Variants in SPTLC2 observed in about 807,000 individuals in gnomAD.
The protein encoded by SPTLC2 is serine palmitoyltransferase long chain base subunit 2.
In SPTLC2, 21 loss-of-function variants were observed where a neutral mutation model predicts 62.0. The ratio of observed to expected loss-of-function variants is 0.34; its 90% CI spans 0.24 to 0.49. SPTLC2 has a LOEUF of 0.49. Among genes scored for constraint, SPTLC2 ranks in the 20% least tolerant of loss-of-function variants. The pLI, the probability that SPTLC2 is intolerant of heterozygous loss-of-function variation, is 0.99. For missense variants in SPTLC2, 511 were observed against 713.0 expected (o/e 0.72, Z 3.23); for synonymous variants, 261 against 261.8 (o/e 1.00, Z 0.03).
intron 4 of SPTLC2, among the ~76,000 whole-genome samples, chr14:77,573,500 AAAATAAAT>A (rs71452862): frequency 0.74 from 111,270 of 150,156 alleles, 41,587 homozygotes; most frequent in East Asian, 0.94. Flanking sequence ...AAAGATTTTA[AAAATAAAT>A]AAATAAATAA....
chr14:77,582,567 G>C (rs1252393201), intron 2 of SPTLC2, among the ~76,000 whole-genome samples: 1 of 152,178 alleles, frequency 6.6e-6, no homozygotes, highest in Non-Finnish European at 1.5e-5. Flanking sequence ...CTGCAGGCCA[G>C]AATGAAGTAG....
At chr14:77,597,639 T>C (rs2079854707) in intron 1 of SPTLC2, among the ~76,000 whole-genome samples, 1 of 150,548 alleles carries the variant, frequency 6.6e-6, no homozygotes, top group African/African-American at 2.4e-5. Context: ...CCAGGATTGG[T>C]GGTGCACACC....
intron 4 of SPTLC2, among the ~76,000 whole-genome samples, chr14:77,572,966 C>G (rs2079692112): frequency 6.6e-6 from 1 of 152,224 alleles, no homozygotes; most frequent in Non-Finnish European, 1.5e-5. Context: ...TCTCTACCAG[C>G]AATAAAAGGC....
rs774328377 is a variant in SPTLC2, at chr14:77,509,507, C to G, written c.*2777G>C. 1 of 182,594 alleles carries G rather than the reference C, an allele frequency of 5.5e-6. No individual in the cohort carries two copies. Among genetic ancestry groups the G allele is most frequent in the Non-Finnish European group, 1.1e-5 (1 of 88,574 alleles). 11.3% of individuals were successfully genotyped at this position (182,594 alleles called of 1,614,324 possible). On this transcript the variant is annotated 3_prime_UTR_variant, in exon 12 of 12. Transcript: ENST00000216484. Reference sequence around the variant, plus strand: ...AAGGACTAGTCACACCTCTATCAATCGACTCAGATGATCAGTTTTGGTAGT... The same window carrying G: ...AAGGACTAGTCACACCTCTATCAATGGACTCAGATGATCAGTTTTGGTAGT...
chr14:77,591,553 CTTTA>C (rs1262141567), intron 2 of SPTLC2, among the ~76,000 whole-genome samples: 3 of 152,052 alleles, frequency 2.0e-5, no homozygotes, highest in African/African-American at 7.2e-5. Flanking sequence ...ATACAGTGCT[CTTTA>C]TTTTTTATTC....
At chr14:77,578,780 A>G (rs1385684839) in intron 3 of SPTLC2, 175 bp downstream of exon 3, 4 of 625,340 alleles carry the variant, frequency 6.4e-6, no homozygotes, top group Non-Finnish European at 1.1e-5. Context: ...CAAATGTAAT[A>G]GAAAGATATA....
In SPTLC2 at chr14:77,526,594, A is replaced by G. The variant is rs1369250606; in HGVS notation, c.1304-5013T>C. Among the ~76,000 whole-genome samples the G allele has an allele frequency of 2.0e-5, 3 of 152,204 alleles. No individual in the cohort carries two copies. In the East Asian group the frequency reaches 5.8e-4, roughly 29 times the overall value. On this transcript the variant is annotated intron_variant, in intron 9 of 11. Transcript: ENST00000216484. ...GGTTTGTTAGAATAAAACTATTTTT[A>G]GGAACTCTACTGTAAAAAAATCTAC... is the stretch of plus-strand genomic sequence containing the variant.
At chr14:77,526,313 T>C (rs970438339) in intron 9 of SPTLC2, among the ~76,000 whole-genome samples, 6 of 152,194 alleles carry the variant, frequency 3.9e-5, no homozygotes, top group Non-Finnish European at 4.4e-5. Flanking sequence ...TCTGGTCTAA[T>C]ACAGACTTGA....
In SPTLC2 at chr14:77,616,454, G is replaced by A. The variant is rs2140071567; in HGVS notation, c.126C>T (p.Ala42=). 1 of 1,483,994 alleles carries A rather than the reference G, an allele frequency of 6.7e-7. No homozygotes were observed. Among genetic ancestry groups the A allele is most frequent in the Non-Finnish European group, 8.9e-7 (1 of 1,122,586 alleles). 91.9% of individuals were successfully genotyped at this position (1,483,994 alleles called of 1,614,324 possible). A position where few individuals can be genotyped will look rare whatever the true frequency, so the allele number is the denominator to read the frequency against. The change falls in exon 1 of 12, where the codon GCC becomes GCT. Residue 42 remains alanine, a synonymous_variant. Transcript: ENST00000216484. The stretch of plus-strand genomic sequence containing the variant: ...CCGCGCGGGCCCCTCGTACCTGGCC[G>A]GCGGCGGCTGCGGCTGCGGCTGCAG... ...SSAAAAAAAA[A]GQIHHVTQNG...
chr14:77,516,943 ATGTTCTTTAGGATT>A (rs2079362293), intron 11 of SPTLC2, among the ~76,000 whole-genome samples: 1 of 152,262 alleles, frequency 6.6e-6, no homozygotes. Context: ...AGCATTCATA[ATGTTCTTTAGGATT>A]AGTAGCTCTT....
intron 7 of SPTLC2, among the ~76,000 whole-genome samples, chr14:77,556,688 A>T (rs1466179737): frequency 6.6e-6 from 1 of 151,934 alleles, no homozygotes; most frequent in Non-Finnish European, 1.5e-5. Context: ...CACTGCACTC[A>T]GCCTAAAATA....
In SPTLC2 at chr14:77,510,760, C is replaced by T. The variant is rs2079328415; in HGVS notation, c.*1524G>A. On this transcript the variant is annotated 3_prime_UTR_variant, in exon 12 of 12. Coordinates refer to ENST00000216484, the MANE Select transcript of SPTLC2 (RefSeq NM_004863.4). ...AAGTGCTAGGATTACAGGTGTGAGC[C>T]ACCGCACTCGGCCTGTAACATGACT... 6.6e-6 allele frequency: 1 copy of T among 152,412 alleles called. No homozygotes were observed. 9.4% of individuals were successfully genotyped at this position (152,412 alleles called of 1,614,324 possible).
chr14:77,562,469 A>G lies in SPTLC2; in HGVS notation c.777T>C (p.Asp259=), dbSNP rs765569908. ...LVGKGCLILS[D]ELNHASLVLG... is the part of the protein sequence containing the mutation. Reference sequence around the variant, plus strand: ...GAACCAGTGATGCATGATTCAGTTCATCACTCAGAATCAGGCAACCCTGCA... The same window carrying G: ...GAACCAGTGATGCATGATTCAGTTCGTCACTCAGAATCAGGCAACCCTGCA... The change falls in exon 6 of 12, where the codon GAT becomes GAC. Residue 259 remains aspartate, a synonymous_variant. Transcript: ENST00000216484. 4 of 1,614,022 alleles carry G rather than the reference A, an allele frequency of 2.5e-6. No homozygotes were observed. The East Asian group carries it at 6.7e-5, about 27-fold the overall frequency.
intron 2 of SPTLC2, among the ~76,000 whole-genome samples, chr14:77,586,465 C>T (rs2079782132): frequency 6.6e-6 from 1 of 152,132 alleles, no homozygotes; most frequent in South Asian, 2.1e-4. Flanking sequence ...AACAGATACT[C>T]GAACAAGTAC....
chr14:77,577,682 A>T (rs1230925260), intron 3 of SPTLC2, among the ~76,000 whole-genome samples: 2 of 151,966 alleles, frequency 1.3e-5, no homozygotes, highest in East Asian at 3.9e-4. Context: ...GGTGGATCAC[A>T]AGGTCAGGAG....
At chr14:77,600,251 G>T (rs2079869947) in intron 1 of SPTLC2, among the ~76,000 whole-genome samples, 2 of 152,276 alleles carry the variant, frequency 1.3e-5, no homozygotes, top group Admixed American at 6.5e-5. Context: ...GTATTTTAAA[G>T]AATTTAGGTT....
intron 1 of SPTLC2, among the ~76,000 whole-genome samples, chr14:77,601,843 T>C (rs917504178): frequency 2.0e-5 from 3 of 152,234 alleles, no homozygotes; most frequent in African/African-American, 7.2e-5. Flanking sequence ...TTTCATTTTC[T>C]GATAGAGACA....
Position 77,552,172 on chromosome 14 carries a change from C to T in SPTLC2, c.1227G>A (p.Thr409=), listed in dbSNP as rs9323646. 1.0e-3 allele frequency: 1,623 copies of T among 1,614,154 alleles called. 14 individuals are homozygous for T. In the African/African-American group the frequency reaches 0.018, roughly 18 times the overall value. ...RTHSHSAVYA[T]SLSPPVVEQI... The stretch of plus-strand genomic sequence containing the variant: ...GCTCCACTACAGGAGGTGACAATGA[C>T]GTGGCATACACTGCACTATGAGAAT... Residue 409 remains threonine, a synonymous_variant, in exon 9 of 12, where the codon ACG becomes ACA. Transcript: ENST00000216484.
chr14:77,605,636 G>A (rs541509973), intron 1 of SPTLC2, among the ~76,000 whole-genome samples: 1 of 152,276 alleles, frequency 6.6e-6, no homozygotes, highest in South Asian at 2.1e-4. Flanking sequence ...CTTGCCATAG[G>A]CAGAACTCCA....
Sources: gnomAD v4.1 joint callset for allele counts (sites outside exome capture counted in the v4.1 genomes callset) on GRCh38, gnomAD v4.1.1 for gene constraint, MANE v1.5 for transcripts, NCBI Gene and HGNC (gene_info 2026-07-23, HGNC 2026-07-21) for gene names.